The following GALNT17 variants were observed in gnomAD, a reference collection of about 807,000 sequenced individuals.
GALNT17 encodes the protein polypeptide N-acetylgalactosaminyltransferase 17.
In GALNT17, 29 loss-of-function variants were observed where a neutral mutation model predicts 63.7. The observed-to-expected ratio is 0.46, with a 90% CI of 0.34 to 0.62. The LOEUF is 0.62. Ranked by LOEUF, GALNT17 falls within the 20% of genes least tolerant of loss-of-function variation. The pLI is 0.01. For synonymous variants in GALNT17, 305 were observed against 318.3 expected, an observed-to-expected ratio of 0.96 and a Z score of 0.45; for missense variants, 603 against 799.6, an observed-to-expected ratio of 0.75 and a Z score of 2.97.
At chr7:71,357,172 A>ACCC (rs909134066) in intron 2 of GALNT17, among the ~76,000 whole-genome samples, 3 of 152,080 alleles carry the variant, frequency 2.0e-5, no homozygotes, top group African/African-American at 7.2e-5. Context: ...GGGACCCCCA[A>ACCC]CCCACAGGCC....
At chr7:71,519,425 C>T (rs1270442244) in intron 5 of GALNT17, among the ~76,000 whole-genome samples, 1 of 152,106 alleles carries the variant, frequency 6.6e-6, no homozygotes, top group Non-Finnish European at 1.5e-5. Context: ...ACGTCTGTCC[C>T]TTCCTCCAAT....
At chr7:71,505,034 A>G (rs946597436) in intron 5 of GALNT17, among the ~76,000 whole-genome samples, 14 of 152,150 alleles carry the variant, frequency 9.2e-5, no homozygotes, top group African/African-American at 3.4e-4. Flanking sequence ...TGTTGTGTGC[A>G]TACACTGCAT....
intron 1 of GALNT17, among the ~76,000 whole-genome samples, chr7:71,197,050 T>C (rs1243439563): frequency 1.3e-5 from 2 of 152,102 alleles, no homozygotes; most frequent in Non-Finnish European, 2.9e-5. Context: ...AGACATGCAG[T>C]GTGTAACAAT....
At chr7:71,190,032 C>T (rs774247057) in intron 1 of GALNT17, among the ~76,000 whole-genome samples, 18 of 151,954 alleles carry the variant, frequency 1.2e-4, no homozygotes, top group African/African-American at 1.7e-4. Context: ...AGGATGGTCT[C>T]GATCACCTGA....
rs141044758 is a variant in GALNT17 at position 71,431,189 on chromosome 7, AT to A, written c.962+10093del. On this transcript the variant is annotated intron_variant, in intron 5 of 10. Coordinates refer to ENST00000333538, the MANE Select transcript of GALNT17 (RefSeq NM_022479.3). ...CGCTCCTCATTCTCACCCTATGAGTATTTTTTTTTCTTTTCTTTTCTTTTTT... is the reference window on the plus strand; with the variant it reads ...CGCTCCTCATTCTCACCCTATGAGTATTTTTTTTCTTTTCTTTTCTTTTTT... Among the ~76,000 whole-genome samples the A allele has an allele frequency of 1.7e-3, 212 of 126,094 alleles. 1 individual carries two copies. The highest frequency in any genetic ancestry group is 5.5e-3 in the African/African-American group (185 of 33,730). 82.7% of individuals were successfully genotyped at this position (126,094 alleles called of 152,430 possible).
rs116312297 is a variant in GALNT17, at chr7:71,562,606, C to T, written c.963-8679C>T. On this transcript the variant is annotated intron_variant, in intron 5 of 10. Transcript: ENST00000333538. ...GTGCACACCTATGAGAATCTAATGCCGCTGCTGCTCTGACAGGAGGCAGAG... is the reference window on the plus strand; with the variant it reads ...GTGCACACCTATGAGAATCTAATGCTGCTGCTGCTCTGACAGGAGGCAGAG... 4.7e-3 allele frequency among the ~76,000 whole-genome samples: 716 copies of T among 152,144 alleles called. 12 individuals carry two copies. The highest frequency in any genetic ancestry group is 0.016 in the African/African-American group (677 of 41,506).
chr7:71,551,659 T>C (rs1203226845), intron 5 of GALNT17, among the ~76,000 whole-genome samples: 1 of 151,714 alleles, frequency 6.6e-6, no homozygotes, highest in East Asian at 1.9e-4. Context: ...CCTAGCTACT[T>C]GGAAGGCTAA....
chr7:71,346,457 T>A (rs1010725723), intron 2 of GALNT17, among the ~76,000 whole-genome samples: 2 of 152,130 alleles, frequency 1.3e-5, no homozygotes, highest in Non-Finnish European at 2.9e-5. Context: ...CATTTAAATT[T>A]AACTGCTCTC....
At chr7:71,461,205 G>A (rs995622726) in intron 5 of GALNT17, among the ~76,000 whole-genome samples, 1 of 150,444 alleles carries the variant, frequency 6.6e-6, no homozygotes, top group Non-Finnish European at 1.5e-5. Context: ...ATTTTTCTAG[G>A]TCCAGTAGTT....
In GALNT17 at chr7:71,665,506, C is replaced by G; in HGVS notation, c.1176C>G (p.Phe392Leu). Reference sequence around the variant, plus strand: ...AGCCATATAATAGCAACATTGGCTTCTACACCAAGAGGAATGCTCTTCGCG... The same window carrying G: ...AGCCATATAATAGCAACATTGGCTTGTACACCAAGAGGAATGCTCTTCGCG... ...KKKPYNSNIG[F>L]YTKRNALRVA... The change falls in exon 7 of 11, where the codon TTC (phenylalanine) becomes TTG (leucine). Residue 392 changes from phenylalanine to leucine, a missense_variant. Around this residue, in one of 3 missense-constraint regions of GALNT17, gnomAD observed 336 missense variants for 507.8 expected, o/e 0.66. Transcript: ENST00000333538. The G allele has an allele frequency of 1.2e-6, 2 of 1,614,002 alleles. No homozygotes were observed. Among genetic ancestry groups the G allele is most frequent in the Non-Finnish European group, 1.7e-6 (2 of 1,180,012 alleles).
chr7:71,228,312 T>C lies in GALNT17; in HGVS notation c.238+95272T>C, dbSNP rs544054845. On this transcript the variant is annotated intron_variant, in intron 1 of 10. Transcript: ENST00000333538. The stretch of plus-strand genomic sequence containing the variant: ...GCCATCCCTGGTTCCATCTGGGACC[T>C]GTGAGAAGTCATGGAATCAACCGTC... 2.0e-5 allele frequency among the ~76,000 whole-genome samples: 3 copies of C among 152,284 alleles called. No individual in the cohort carries two copies. In the South Asian group the frequency reaches 6.2e-4, roughly 32 times the overall value.
intron 1 of GALNT17, among the ~76,000 whole-genome samples, chr7:71,216,361 T>C (rs1298927574): frequency 6.6e-6 from 1 of 152,174 alleles, no homozygotes; most frequent in East Asian, 1.9e-4. Context: ...AAAGTAGTTT[T>C]GATTTTGTGG....
chr7:71,512,038 G>A (rs1479378232), intron 5 of GALNT17, among the ~76,000 whole-genome samples: 3 of 126,428 alleles, frequency 2.4e-5, no homozygotes, highest in Non-Finnish European at 4.7e-5. Flanking sequence ...TTTTGAGACA[G>A]AGTTTCACTC....
At chr7:71,597,895 A>G (rs1009720971) in intron 6 of GALNT17, among the ~76,000 whole-genome samples, 1 of 150,882 alleles carries the variant, frequency 6.6e-6, no homozygotes, top group Non-Finnish European at 1.5e-5. Flanking sequence ...CTTGGCATTC[A>G]CTTTTTCTCA....
chr7:71,560,463 G>A (rs957182452), intron 5 of GALNT17, among the ~76,000 whole-genome samples: 2 of 152,180 alleles, frequency 1.3e-5, no homozygotes, highest in Non-Finnish European at 2.9e-5. Flanking sequence ...CAAGGAAGGA[G>A]AGCATGGGAG....
chr7:71,660,314 C>A (rs1437022595), intron 6 of GALNT17, among the ~76,000 whole-genome samples: 6 of 152,144 alleles, frequency 3.9e-5, no homozygotes, highest in African/African-American at 1.4e-4. Flanking sequence ...TGGAGCGTGC[C>A]CTCCTCCTGG....
chr7:71,454,485 T>C (rs890635579), intron 5 of GALNT17, among the ~76,000 whole-genome samples: 1 of 152,166 alleles, frequency 6.6e-6, no homozygotes, highest in African/African-American at 2.4e-5. Flanking sequence ...TTTGGGTTGA[T>C]TGGAAAGAAG....
chr7:71,351,752 A>G (rs539887964), intron 2 of GALNT17, among the ~76,000 whole-genome samples: 1 of 152,260 alleles, frequency 6.6e-6, no homozygotes, highest in East Asian at 1.9e-4. Flanking sequence ...CCATGAGAGA[A>G]TAAATTTCTG....
At chr7:71,391,880 G>T (rs1793058306) in intron 3 of GALNT17, among the ~76,000 whole-genome samples, 1 of 152,138 alleles carries the variant, frequency 6.6e-6, no homozygotes, top group Non-Finnish European at 1.5e-5. Context: ...GGCTTCTGGT[G>T]AGGCCTCAGA....
Sources: allele counts gnomAD v4.1 joint callset (sites outside exome capture counted in the v4.1 genomes callset), GRCh38; gene constraint gnomAD v4.1.1; regional missense constraint gnomAD v4.1.1; transcripts MANE v1.5; gene names NCBI Gene and HGNC (gene_info 2026-07-23, HGNC 2026-07-21).